UBQLN3: variants seen among roughly 807,000 people sequenced by gnomAD.
UBQLN3 encodes the protein ubiquilin-3.
In UBQLN3, 1 loss-of-function variant was observed where a neutral mutation model predicts 2.9. The ratio of observed to expected loss-of-function variants is 0.35; its 90% confidence interval spans 0.12 to 1.66. The LOEUF is 1.66. UBQLN3 is among the 40% of genes most tolerant of loss of function. The pLI, the probability that UBQLN3 is intolerant of heterozygous loss-of-function variation, is 0.35. For synonymous variants in UBQLN3, 358 were observed against 317.6 expected, an observed-to-expected ratio of 1.13 and a Z score of -1.35; for missense variants, 924 against 816.5, an observed-to-expected ratio of 1.13 and a Z score of -1.61.
Position 5,508,419 on chromosome 11 carries a change from A to C in UBQLN3, c.1140T>G (p.Val380=), listed in dbSNP as rs373862522. 11 of 1,601,664 alleles carry C rather than the reference A, an allele frequency of 6.9e-6. No homozygotes were observed. The highest frequency in any genetic ancestry group is 9.4e-6 in the Non-Finnish European group (11 of 1,174,154). Residue 380 remains valine, a synonymous_variant, in exon 2 of 2, where the codon GTT becomes GTG. Coordinates refer to ENST00000311659, the MANE Select transcript of UBQLN3 (RefSeq NM_017481.4). The surrounding 1 kb of genome is among the most constrained non-coding windows in gnomAD (Gnocchi z 4.2). The stretch of plus-strand genomic sequence containing the variant: ...CCTGAGATGAGGGTGACGATGGGGG[A>C]ACTCTGTTTACTGATGGTGGTGGTT... ...SQEPPPSVNR[V]PPSSPSSQEP...
In UBQLN3 at chr11:5,507,746, TACTA is replaced by T. The variant is rs1302195367; in HGVS notation, c.1809_1812del (p.Ser604GlnfsTer25). 3 of 1,613,964 alleles carry T rather than the reference TACTA, an allele frequency of 1.9e-6. No individual in the cohort carries two copies. The highest frequency in any genetic ancestry group is 3.3e-5 in the Admixed American group (2 of 60,004). On this transcript the variant is annotated frameshift_variant, in exon 2 of 2. Coordinates refer to ENST00000311659, the MANE Select transcript of UBQLN3 (RefSeq NM_017481.4). LOFTEE classifies it high-confidence loss of function. ...TCAGGCTGCAGCTGCTGGGGATTTG[TACTA>T]ACTAAATCTTGCAGCATATGGAGAA...
chr11:5,508,176 A>T lies in UBQLN3; in HGVS notation c.1383T>A (p.Ser461=), dbSNP rs372659278. 3.5e-5 allele frequency: 57 copies of T among 1,614,012 alleles called. No homozygotes were observed. Among genetic ancestry groups the T allele is most frequent in the Non-Finnish European group, 4.1e-5 (48 of 1,180,028 alleles). The change falls in exon 2 of 2, where the codon TCT becomes TCA. Residue 461 remains serine, a synonymous_variant. Coordinates refer to ENST00000311659, the MANE Select transcript of UBQLN3 (RefSeq NM_017481.4). The surrounding 1 kb of genome is among the most constrained non-coding windows in gnomAD (Gnocchi z 4.2). ...CAGGAATGGCTGCCGTGGGGGAAAA[A>T]GATAAGGGAGCAAATGGAACCCTGT... ...SANRVPFAPL[S]FSPTAAIPGI...
In UBQLN3 at chr11:5,509,155, C is replaced by A; in HGVS notation, c.404G>T (p.Gly135Val). 1 of 1,614,002 alleles carries A rather than the reference C, an allele frequency of 6.2e-7. No homozygotes were observed. Among genetic ancestry groups the A allele is most frequent in the Non-Finnish European group, 8.5e-7 (1 of 1,179,958 alleles). Residue 135 changes from glycine (G) to valine (V), a missense_variant, in exon 2 of 2, where the codon GGT becomes GTT. Gly to Val is a moderately radical substitution (Grantham distance 109). Coordinates refer to ENST00000311659, the MANE Select transcript of UBQLN3 (RefSeq NM_017481.4). ...CAGCCTACTGAGGCCTGTGAGGAGA[C>A]CTAAGCTAAAGGCAGGGGGCCCATC... Reference protein sequence around the residue: ...PADGPPAFSLGLLTGLSRLGL... With the variant: ...PADGPPAFSLVLLTGLSRLGL...
chr11:5,509,156 C>T lies in UBQLN3; in HGVS notation c.403G>A (p.Gly135Ser). ...AGCCTACTGAGGCCTGTGAGGAGAC[C>T]TAAGCTAAAGGCAGGGGGCCCATCT... ...PADGPPAFSL[G>S]LLTGLSRLGL... Residue 135 changes from glycine (G) to serine (S), a missense_variant, in exon 2 of 2, where the codon GGT becomes AGT. Coordinates refer to ENST00000311659, the MANE Select transcript of UBQLN3 (RefSeq NM_017481.4). The T allele has an allele frequency of 6.2e-7, 1 of 1,613,994 alleles. No individual in the cohort carries two copies. The highest frequency in any genetic ancestry group is 8.5e-7 in the Non-Finnish European group (1 of 1,179,946).
In UBQLN3 at chr11:5,508,686, G is replaced by A. The variant is rs1258696550; in HGVS notation, c.873C>T (p.Ser291=). Residue 291 remains serine, a synonymous_variant, in exon 2 of 2, where the codon AGC becomes AGT. Transcript: ENST00000311659. This position sits in a 1 kb window ranked among gnomAD's most constrained non-coding sequence, Gnocchi z 4.2. The part of the protein sequence containing the change: ...ATTDNATTTT[S]QPSRMENCDP... ...CACAATTCTCCATCCTTGAAGGTTG[G>A]CTGGTGGTGGTGGTGGCATTATCAG... 3 of 1,614,032 alleles carry A rather than the reference G, an allele frequency of 1.9e-6. No homozygotes were observed. The highest frequency in any genetic ancestry group is 2.2e-5 in the East Asian group (1 of 44,860).
rs745553947 is a variant in UBQLN3, at chr11:5,509,050, TGA to T, written c.507_508del (p.Gln170AlafsTer3). ...CGGGATGAAGGGGTCATCAATGAGC[TGA>T]GTCACAAACTCAGGCACAGACACAT... On this transcript the variant is annotated frameshift_variant, in exon 2 of 2. Coordinates refer to ENST00000311659, the MANE Select transcript of UBQLN3 (RefSeq NM_017481.4). LOFTEE classifies it low-confidence loss of function (END_TRUNC). 1.9e-6 allele frequency: 3 copies of T among 1,614,154 alleles called. No individual in the cohort carries two copies. In the Admixed American group the frequency reaches 5.0e-5, roughly 27 times the overall value.
Position 5,508,130 on chromosome 11 carries a change from G to C in UBQLN3, c.1429C>G (p.Leu477Val), listed in dbSNP as rs1385313799. The C allele has an allele frequency of 1.2e-6, 2 of 1,614,218 alleles. No individual in the cohort carries two copies. The highest frequency in any genetic ancestry group is 2.2e-5 in the South Asian group (2 of 91,076). Reference protein sequence around the residue: ...AIPGIPEPPWLPSPAYPRSLR... With the variant: ...AIPGIPEPPWVPSPAYPRSLR... Reference sequence around the variant, plus strand: ...GATCTTGGATAAGCCGGGGATGGCAGCCAGGGAGGCTCAGGGATTCCAGGA... The same window carrying C: ...GATCTTGGATAAGCCGGGGATGGCACCCAGGGAGGCTCAGGGATTCCAGGA... The change falls in exon 2 of 2, where the codon CTG becomes GTG. Residue 477 changes from leucine to valine, a missense_variant. Transcript: ENST00000311659. This position sits in a 1 kb window ranked among gnomAD's most constrained non-coding sequence, Gnocchi z 4.2.
rs1385169861 is a variant in UBQLN3, at chr11:5,507,513, C to A, written c.*78G>T. ...ATTTGGTTTATAATGCAGCTGTATTCAAAAATGGGAGAGCTAGGGAACTAG... is the reference window on the plus strand; with the variant it reads ...ATTTGGTTTATAATGCAGCTGTATTAAAAAATGGGAGAGCTAGGGAACTAG... On this transcript the variant is annotated 3_prime_UTR_variant, in exon 2 of 2. Transcript: ENST00000311659. 3 of 1,514,818 alleles carry A rather than the reference C, an allele frequency of 2.0e-6. No individual in the cohort carries two copies. The highest frequency in any genetic ancestry group is 2.6e-6 in the Non-Finnish European group (3 of 1,132,762). 93.8% of individuals were successfully genotyped at this position (1,514,818 alleles called of 1,614,324 possible).
Position 5,507,496 on chromosome 11 carries a change from T to TATA in UBQLN3, c.*92_*94dup. On this transcript the variant is annotated 3_prime_UTR_variant, in exon 2 of 2. Coordinates refer to ENST00000311659, the MANE Select transcript of UBQLN3 (RefSeq NM_017481.4). ...AAAGGACTTCATAGTAAATTTGGTT[T>TATA]ATAATGCAGCTGTATTCAAAAATGG... The TATA allele has an allele frequency of 1.3e-6, 2 of 1,509,984 alleles. No homozygotes were observed. Among genetic ancestry groups the TATA allele is most frequent in the Non-Finnish European group, 1.8e-6 (2 of 1,130,492 alleles). 93.5% of individuals were successfully genotyped at this position (1,509,984 alleles called of 1,614,324 possible).
In UBQLN3 at chr11:5,507,879, C is replaced by A. The variant is rs1265213197; in HGVS notation, c.1680G>T (p.Glu560Asp). ...AGTGSVAGGI[E>D]SREDPLMSED... is the part of the protein sequence containing the mutation. ...CAGACATAAGGGGATCTTCTCTAGA[C>A]TCTATACCTCCTGCCACACTACCCG... The change falls in exon 2 of 2, where the codon GAG (glutamate) becomes GAT (aspartate). Residue 560 changes from glutamate to aspartate, a missense_variant. Glu to Asp is a conservative substitution (Grantham distance 45). Coordinates refer to ENST00000311659, the MANE Select transcript of UBQLN3 (RefSeq NM_017481.4). 1 of 1,613,694 alleles carries A rather than the reference C, an allele frequency of 6.2e-7. No individual in the cohort carries two copies. Among genetic ancestry groups the A allele is most frequent in the African/African-American group, 1.3e-5 (1 of 74,942 alleles).
At chr11:5,509,635 G>T in intron 1 of UBQLN3, 41 bp from the exon 2 acceptor site, 1 of 1,520,304 alleles carries the variant, frequency 6.6e-7, no homozygotes, top group Non-Finnish European at 8.8e-7. Flanking sequence ...ATCCTTTCAG[G>T]CAATGGCAAA....
Position 5,508,015 on chromosome 11 carries a change from ATGGCTGCC to A in UBQLN3, c.1536_1543del (p.Gln512HisfsTer14). 3 of 1,614,072 alleles carry A rather than the reference ATGGCTGCC, an allele frequency of 1.9e-6. No individual in the cohort carries two copies. The highest frequency in any genetic ancestry group is 2.5e-6 in the Non-Finnish European group (3 of 1,180,034). ...GGCTTGCAGGGCACGGGGGTTTGCC[ATGGCTGCC>A]TGAAGGTGCATCAGCAGTGGCAGCT... On this transcript the variant is annotated frameshift_variant, in exon 2 of 2. Coordinates refer to ENST00000311659, the MANE Select transcript of UBQLN3 (RefSeq NM_017481.4). LOFTEE classifies it low-confidence loss of function (END_TRUNC). This position sits in a 1 kb window ranked among gnomAD's most constrained non-coding sequence, Gnocchi z 4.2.
chr11:5,507,381 G>T lies in UBQLN3; in HGVS notation c.*210C>A. The T allele has an allele frequency of 1.0e-6, 1 of 1,001,776 alleles. No homozygotes were observed. The highest frequency in any genetic ancestry group is 1.4e-6 in the Non-Finnish European group (1 of 724,264). The allele number at this position is 1,001,776 out of a possible 1,614,324, so 62.1% of individuals were successfully genotyped here. A position where few individuals can be genotyped will look rare whatever the true frequency, so the allele number is the denominator to read the frequency against. ...ACTGGGGCCCCCCAGTGGTATAGTG[G>T]TACAAGTGGTTGACTCACACACAGC... On this transcript the variant is annotated 3_prime_UTR_variant, in exon 2 of 2. Coordinates refer to ENST00000311659, the MANE Select transcript of UBQLN3 (RefSeq NM_017481.4).
Position 5,509,581 on chromosome 11 carries a change from C to T in UBQLN3, c.-23G>A. 6.2e-7 allele frequency: 1 copy of T among 1,604,164 alleles called. No individual in the cohort carries two copies. The highest frequency in any genetic ancestry group is 8.5e-7 in the Non-Finnish European group (1 of 1,175,344). On this transcript the variant is annotated 5_prime_UTR_variant, in exon 2 of 2. Coordinates refer to ENST00000311659, the MANE Select transcript of UBQLN3 (RefSeq NM_017481.4). ...CATGGTGGCAGCAGGAGGCCCAGAT[C>T]TGTGGGGACACAGCTAGGGGCATGG...
rs763689905 is a variant in UBQLN3, at chr11:5,508,633, G to T, written c.926C>A (p.Thr309Lys). ...TTGCCTGCTACCTGAGCCTCCATGTGTGGAAGTCCAGGGGTTGGGGAGAGG... is the reference window on the plus strand; with the variant it reads ...TTGCCTGCTACCTGAGCCTCCATGTTTGGAAGTCCAGGGGTTGGGGAGAGG... Reference protein sequence around the residue: ...CDPLPNPWTSTHGGSGSRQGR... With the variant: ...CDPLPNPWTSKHGGSGSRQGR... The change falls in exon 2 of 2, where the codon ACA (threonine) becomes AAA (lysine). Residue 309 changes from threonine to lysine, a missense_variant. Coordinates refer to ENST00000311659, the MANE Select transcript of UBQLN3 (RefSeq NM_017481.4). The surrounding 1 kb of genome is among the most constrained non-coding windows in gnomAD (Gnocchi z 4.2). The T allele has an allele frequency of 6.2e-7, 1 of 1,614,102 alleles. No homozygotes were observed. Among genetic ancestry groups the T allele is most frequent in the South Asian group, 1.1e-5 (1 of 91,080 alleles).
In UBQLN3 at chr11:5,508,682, G is replaced by T. The variant is rs1485127502; in HGVS notation, c.877C>A (p.Pro293Thr). 1 of 1,614,060 alleles carries T rather than the reference G, an allele frequency of 6.2e-7. No individual in the cohort carries two copies. The highest frequency in any genetic ancestry group is 1.3e-5 in the African/African-American group (1 of 75,040). Residue 293 changes from proline (P) to threonine (T), a missense_variant, in exon 2 of 2, where the codon CCT (proline) becomes ACT (threonine). Pro to Thr is a conservative substitution (Grantham distance 38). Coordinates refer to ENST00000311659, the MANE Select transcript of UBQLN3 (RefSeq NM_017481.4). The surrounding 1 kb of genome is among the most constrained non-coding windows in gnomAD (Gnocchi z 4.2). ...TDNATTTTSQ[P>T]SRMENCDPLP... The stretch of plus-strand genomic sequence containing the variant: ...GGGTCACAATTCTCCATCCTTGAAG[G>T]TTGGCTGGTGGTGGTGGTGGCATTA...
Position 5,508,886 on chromosome 11 carries a change from G to C in UBQLN3, c.673C>G (p.Arg225Gly), listed in dbSNP as rs369365896. 1.9e-6 allele frequency: 3 copies of C among 1,614,176 alleles called. No individual in the cohort carries two copies. In the South Asian group the frequency reaches 3.3e-5, roughly 18 times the overall value. Residue 225 changes from arginine (R) to glycine (G), a missense_variant, in exon 2 of 2, where the codon CGT (arginine) becomes GGT (glycine). Transcript: ENST00000311659. This position sits in a 1 kb window ranked among gnomAD's most constrained non-coding sequence, Gnocchi z 4.2. ...EIMRQTLEFL[R>G]NPAMMQEMIR... ...ATCTCCTGCATCATGGCAGGGTTAC[G>C]TAAAAACTCCAGTGTCTGCCGCATA...
At position 5,509,054 on chromosome 11, in the gene UBQLN3, T is replaced by A; in HGVS notation, c.505A>T (p.Thr169Ser). ...ATGAAGGGGTCATCAATGAGCTGAG[T>A]CACAAACTCAGGCACAGACACATGC... ...RQHVSVPEFV[T>S]QLIDDPFIPG... The change falls in exon 2 of 2, where the codon ACT becomes TCT. Residue 169 changes from threonine (T) to serine (S), a missense_variant. Physicochemically the swap from Thr to Ser is moderately conservative, Grantham distance 58 (BLOSUM62 1). Coordinates refer to ENST00000311659, the MANE Select transcript of UBQLN3 (RefSeq NM_017481.4). 1 of 1,613,962 alleles carries A rather than the reference T, an allele frequency of 6.2e-7. No homozygotes were observed. The highest frequency in any genetic ancestry group is 8.5e-7 in the Non-Finnish European group (1 of 1,179,988).
Position 5,509,244 on chromosome 11 carries a change from G to T in UBQLN3, c.315C>A (p.Ala105=). ...HRAMGNECPA[A]SVPTQGPSPG... is the part of the protein sequence containing the mutation. ...GACTTGGGCCCTGGGTAGGGACAGA[G>T]GCAGCTGGGCACTCATTGCCCATGG... is the stretch of plus-strand genomic sequence containing the variant. Residue 105 remains alanine (A), a synonymous_variant, in exon 2 of 2, where the codon GCC becomes GCA. Transcript: ENST00000311659. The T allele has an allele frequency of 1.2e-6, 2 of 1,614,204 alleles. No individual in the cohort carries two copies. The highest frequency in any genetic ancestry group is 2.2e-5 in the South Asian group (2 of 91,084).
Sources: gnomAD v4.1 joint callset for allele counts on GRCh38, gnomAD v4.1.1 for gene constraint, Gnocchi (gnomAD v3.1) non-coding constraint, MANE v1.5 for transcripts, NCBI Gene and HGNC (gene_info 2026-07-23, HGNC 2026-07-21) for gene names.